Variants in WNT7A observed in about 807,000 individuals in gnomAD.
The protein encoded by WNT7A is Wnt family member 7A.
In WNT7A, 16 loss-of-function variants were observed where a neutral mutation model predicts 28.2. The observed-to-expected ratio is 0.57, with a 90% CI of 0.38 to 0.86. The LOEUF is 0.86. Ranked by LOEUF, WNT7A falls within the 40% of genes least tolerant of loss-of-function variation. WNT7A has a pLI of 0.00. For synonymous variants in WNT7A, 190 were observed against 195.9 expected (o/e 0.97, Z 0.25); for missense variants, 411 against 489.7 (o/e 0.84, Z 1.52).
chr3:13,821,908 C>T (rs556657751), intron 3 of WNT7A, among the ~76,000 whole-genome samples: 7 of 152,202 alleles, frequency 4.6e-5, no homozygotes, highest in Non-Finnish European at 7.4e-5. Flanking sequence ...AACAGGGATG[C>T]TTTGTGTACT....
At chr3:13,822,044 A>G (rs1694119031) in intron 3 of WNT7A, among the ~76,000 whole-genome samples, 1 of 152,232 alleles carries the variant, frequency 6.6e-6, no homozygotes, top group Admixed American at 6.5e-5. Context: ...CCACAACGAC[A>G]TGCTCCTTTA....
chr3:13,863,010 T>C (rs181151404), intron 2 of WNT7A, among the ~76,000 whole-genome samples: 2 of 152,330 alleles, frequency 1.3e-5, no homozygotes, highest in Admixed American at 1.3e-4. Context: ...GGACCTTGAA[T>C]GAGCTAACTC....
At chr3:13,821,250 G>C (rs546720902) in intron 3 of WNT7A, among the ~76,000 whole-genome samples, 2 of 152,356 alleles carry the variant, frequency 1.3e-5, no homozygotes, top group South Asian at 2.1e-4. Flanking sequence ...CCTGGGGGAT[G>C]CTCAAAATGG....
chr3:13,864,674 G>A lies in WNT7A; in HGVS notation c.299-9871C>T, dbSNP rs1481050637. On this transcript the variant is annotated intron_variant, in intron 2 of 3. Transcript: ENST00000285018. ...CTGTGGGATGAGGACGTGAATAAAT[G>A]AGTGGACATACAAGTGGGGGAGTCT... 3.3e-5 allele frequency among the ~76,000 whole-genome samples: 5 copies of A among 152,216 alleles called. No individual in the cohort carries two copies. The East Asian group carries it at 9.6e-4, about 29-fold the overall frequency.
chr3:13,866,878 T>C (rs1398717318), intron 2 of WNT7A, among the ~76,000 whole-genome samples: 3 of 152,072 alleles, frequency 2.0e-5, no homozygotes, highest in Non-Finnish European at 4.4e-5. Flanking sequence ...ATTTGGAGGT[T>C]GATGTCATTG....
intron 3 of WNT7A, among the ~76,000 whole-genome samples, chr3:13,820,040 T>C (rs983012363): frequency 6.6e-6 from 1 of 152,204 alleles, no homozygotes; most frequent in African/African-American, 2.4e-5. Flanking sequence ...CTCTCACTTT[T>C]CTTCCTTCCT....
chr3:13,858,119 C>T (rs976012418), intron 2 of WNT7A, among the ~76,000 whole-genome samples: 1 of 152,202 alleles, frequency 6.6e-6, no homozygotes. Flanking sequence ...GAGCTGCAGA[C>T]CCGGCCTCTG....
Position 13,848,067 on chromosome 3 carries a change from T to TAAAA in WNT7A, c.570+6461_570+6464dup, listed in dbSNP as rs58146750. Among the ~76,000 whole-genome samples the TAAAA allele has an allele frequency of 2.0e-3, 301 of 151,680 alleles. 1 individual carries two copies. Among genetic ancestry groups the TAAAA allele is most frequent in the African/African-American group, 6.8e-3 (280 of 41,300 alleles). On this transcript the variant is annotated intron_variant, in intron 3 of 3. Coordinates refer to ENST00000285018, the MANE Select transcript of WNT7A (RefSeq NM_004625.4). ...GATTTTTTTAAATTAATGAATTTTT[T>TAAAA]AAAAAAAACAGGTCACAGAGTTAAA...
In WNT7A at chr3:13,868,680, GAGA is replaced by G. The variant is rs1694959139; in HGVS notation, c.298+6264_298+6266del. On this transcript the variant is annotated intron_variant, in intron 2 of 3. Transcript: ENST00000285018. ...GGAGGGAGGGAGTGGGAGAGAGGGG[GAGA>G]GAGAGAGAGAAAGAAAGAAAGAAAG... Among the ~76,000 whole-genome samples, 2 of 14,460 alleles carry G rather than the reference GAGA, an allele frequency of 1.4e-4. 1 individual carries two copies. The highest frequency in any genetic ancestry group is 3.2e-4 in the Non-Finnish European group (2 of 6,186). 9.5% of individuals were successfully genotyped at this position (14,460 alleles called of 152,430 possible). A position where few individuals can be genotyped will look rare whatever the true frequency, so the allele number is the denominator to read the frequency against.
At chr3:13,853,627 G>C (rs999025063) in intron 3 of WNT7A, among the ~76,000 whole-genome samples, 1 of 152,206 alleles carries the variant, frequency 6.6e-6, no homozygotes, top group Non-Finnish European at 1.5e-5. Context: ...GCCTCTGACA[G>C]TTCCCAGTGT....
At position 13,857,364 on chromosome 3, in the gene WNT7A, T is replaced by C. The variant is rs7643106; in HGVS notation, c.299-2561A>G. Among the ~76,000 whole-genome samples, 856 of 152,174 alleles carry C rather than the reference T, an allele frequency of 5.6e-3. 9 individuals are homozygous for C. The highest frequency in any genetic ancestry group is 5.1e-3 in the Non-Finnish European group (344 of 68,002). ...CTGAGGCAGGGCCTTGGTAAAGAGA[T>C]AGAGCCTCATGGATAGATCCTCGGG... On this transcript the variant is annotated intron_variant, in intron 2 of 3. Coordinates refer to ENST00000285018, the MANE Select transcript of WNT7A (RefSeq NM_004625.4).
rs1464571368 is a variant in WNT7A at position 13,854,521 on chromosome 3, T to A, written c.570+11A>T. The A allele has an allele frequency of 1.9e-6, 3 of 1,613,966 alleles. No individual in the cohort carries two copies. The highest frequency in any genetic ancestry group is 4.5e-5 in the East Asian group (2 of 44,878). ...GCGAGCGCCGCCCAGCTGCCCTCCC[T>A]GGCTTCCTACCTTTCGGCCTGCCTC... is the stretch of plus-strand genomic sequence containing the variant. On this transcript the variant is annotated intron_variant, in intron 3 of 3. Coordinates refer to ENST00000285018, the MANE Select transcript of WNT7A (RefSeq NM_004625.4).
rs183692912 is a variant in WNT7A at position 13,820,977 on chromosome 3, A to G, written c.571-1554T>C. The stretch of plus-strand genomic sequence containing the variant: ...CAGCAGTCTCCCAGGACCCCCCCAC[A>G]CGCAGCCCATGCTGGATGAGCAGCC... On this transcript the variant is annotated intron_variant, in intron 3 of 3. Transcript: ENST00000285018. Among the ~76,000 whole-genome samples, 578 of 152,274 alleles carry G rather than the reference A, an allele frequency of 3.8e-3. 4 individuals are homozygous for G. The highest frequency in any genetic ancestry group is 3.7e-3 in the Admixed American group (57 of 15,304).
chr3:13,832,309 G>T (rs1441784514), intron 3 of WNT7A, among the ~76,000 whole-genome samples: 1 of 141,538 alleles, frequency 7.1e-6, no homozygotes, highest in African/African-American at 2.7e-5. Flanking sequence ...TCCTCTACAG[G>T]CTTCTCCTTC....
rs142932663 is a variant in WNT7A, at chr3:13,869,459, C to A, written c.298+5488G>T. Among the ~76,000 whole-genome samples, 598 of 111,488 alleles carry A rather than the reference C, an allele frequency of 5.4e-3. 7 individuals are homozygous for A. The highest frequency in any genetic ancestry group is 0.02 in the African/African-American group (562 of 28,638). The allele number at this position is 111,488 out of a possible 152,430, so 73.1% of individuals were successfully genotyped here. On this transcript the variant is annotated intron_variant, in intron 2 of 3. Transcript: ENST00000285018. ...GAAAGAAAAGAAAAAGAAAGAAAGA[C>A]AGAAAGAAAGAAAGGGAGGAGAGAG...
At chr3:13,853,935 C>T (rs1283636404) in intron 3 of WNT7A, among the ~76,000 whole-genome samples, 1 of 152,070 alleles carries the variant, frequency 6.6e-6, no homozygotes, top group Non-Finnish European at 1.5e-5. Context: ...GTGATTGGAC[C>T]ACAAAAACAG....
intron 3 of WNT7A, among the ~76,000 whole-genome samples, chr3:13,843,438 C>A (rs1248210820): frequency 6.6e-6 from 1 of 152,128 alleles, no homozygotes; most frequent in African/African-American, 2.4e-5. Flanking sequence ...CCCAAGGGCA[C>A]ACAGCAAACA....
In WNT7A at chr3:13,857,479, G is replaced by A. The variant is rs73814721; in HGVS notation, c.299-2676C>T. Among the ~76,000 whole-genome samples the A allele has an allele frequency of 5.8e-3, 888 of 152,268 alleles. 13 individuals carry two copies. Among genetic ancestry groups the A allele is most frequent in the African/African-American group, 0.02 (817 of 41,552 alleles). On this transcript the variant is annotated intron_variant, in intron 2 of 3. Transcript: ENST00000285018. ...GGCACACAGGTCCACACCAGCCAGCGCAGGAGGTGGGCAGGTGGGGTTGGA... is the reference window on the plus strand; with the variant it reads ...GGCACACAGGTCCACACCAGCCAGCACAGGAGGTGGGCAGGTGGGGTTGGA...
rs58252369 is a variant in WNT7A at position 13,875,681 on chromosome 3, A to C, written c.72-508T>G. On this transcript the variant is annotated intron_variant, in intron 1 of 3. Transcript: ENST00000285018. ...AAAATCTGTTTTTTAATGTATATGT[A>C]ACATATACTCTCATGTATGTATATG... Among the ~76,000 whole-genome samples the C allele has an allele frequency of 2.9e-4, 44 of 152,312 alleles. 2 individuals are homozygous for C. The East Asian group carries it at 6.0e-3, about 21-fold the overall frequency.
Sources: allele counts gnomAD v4.1 joint callset (sites outside exome capture counted in the v4.1 genomes callset), GRCh38; gene constraint gnomAD v4.1.1; transcripts MANE v1.5; gene names NCBI Gene and HGNC (gene_info 2026-07-23, HGNC 2026-07-21).